The following ARHGAP35 variants were observed in gnomAD, a reference collection of about 807,000 sequenced individuals.
The protein encoded by ARHGAP35 is Rho GTPase activating protein 35.
ARHGAP35 carries 15 observed loss-of-function variants against 111.1 expected under a neutral mutation model. That is an observed-to-expected ratio of 0.13 (90% confidence interval 0.09 to 0.21). The LOEUF is 0.21. Among genes scored for constraint, ARHGAP35 ranks in the 10% least tolerant of loss-of-function variants. The probability of loss-of-function intolerance (pLI) is 1.00; values close to 1 mark genes in which losing one functional copy is unlikely to be tolerated. For missense variants in ARHGAP35, 1,262 were observed against 1,873.0 expected (o/e 0.67, Z 6.02); for synonymous variants, 643 against 710.3 (o/e 0.91, Z 1.51).
rs186915005 is a variant in ARHGAP35, at chr19:46,989,684, C to T, written c.4036+9C>T. 8 of 1,613,664 alleles carry T rather than the reference C, an allele frequency of 5.0e-6. No individual in the cohort carries two copies. Among genetic ancestry groups the T allele is most frequent in the East Asian group, 2.2e-5 (1 of 44,874 alleles). ...CTTGGTGGAAGCACACAGTGAGTAC[C>T]GGCAGCCCAGTGTTGGGCGGATTGA... On this transcript the variant is annotated intron_variant, in intron 5 of 6. Coordinates refer to ENST00000672722, the MANE Select transcript of ARHGAP35 (RefSeq NM_004491.5). This position sits in a 1 kb window ranked among gnomAD's most constrained non-coding sequence, Gnocchi z 5.3.
At chr19:46,862,266 T>G (rs769302330) in intron 1 of ARHGAP35, among the ~76,000 whole-genome samples, 4 of 152,162 alleles carry the variant, frequency 2.6e-5, no homozygotes, top group Non-Finnish European at 5.9e-5. Context: ...GATGTATCCC[T>G]AACTCAGACT....
intron 1 of ARHGAP35, among the ~76,000 whole-genome samples, chr19:46,875,261 G>A (rs1460614456): frequency 6.6e-6 from 1 of 152,128 alleles, no homozygotes; most frequent in Non-Finnish European, 1.5e-5. Context: ...CAGATCTTCA[G>A]TTCAAGGAGG....
At chr19:46,863,573 T>C (rs2055840380) in intron 1 of ARHGAP35, among the ~76,000 whole-genome samples, 1 of 152,100 alleles carries the variant, frequency 6.6e-6, no homozygotes, top group Non-Finnish European at 1.5e-5. Flanking sequence ...CCTCCTTCCT[T>C]CTCTGAGCCA....
intron 2 of ARHGAP35, among the ~76,000 whole-genome samples, chr19:46,923,920 C>CA (rs34789986): frequency 0.093 from 10,376 of 111,876 alleles, 445 homozygotes; most frequent in East Asian, 0.2. Flanking sequence ...GACTCTGTCT[C>CA]AAAAAAAAAA....
intron 1 of ARHGAP35, among the ~76,000 whole-genome samples, chr19:46,868,092 T>G (rs1329815186): frequency 6.6e-6 from 1 of 152,198 alleles, no homozygotes; most frequent in Non-Finnish European, 1.5e-5. Flanking sequence ...GGTCTCGAAC[T>G]CCTGACCTCA....
Position 46,989,836 on chromosome 19 carries a change from C to T in ARHGAP35, c.4036+161C>T, listed in dbSNP as rs970384532. On this transcript the variant is annotated intron_variant, in intron 5 of 6. Coordinates refer to ENST00000672722, the MANE Select transcript of ARHGAP35 (RefSeq NM_004491.5). The surrounding 1 kb of genome is among the most constrained non-coding windows in gnomAD (Gnocchi z 5.3). ...GATGACAGCAATGGGACTTGCAAATCGGGCTCCTGCCCTTGTAGACCTTAG... is the reference window on the plus strand; with the variant it reads ...GATGACAGCAATGGGACTTGCAAATTGGGCTCCTGCCCTTGTAGACCTTAG... Among the ~76,000 whole-genome samples, 33 of 152,296 alleles carry T rather than the reference C, an allele frequency of 2.2e-4. 1 individual carries two copies. Among genetic ancestry groups the T allele is most frequent in the Admixed American group, 2.1e-3 (32 of 15,296 alleles).
intron 1 of ARHGAP35, among the ~76,000 whole-genome samples, chr19:46,915,916 A>G (rs535466308): frequency 6.6e-6 from 1 of 150,796 alleles, no homozygotes; most frequent in East Asian, 1.9e-4. Context: ...GCCTTCAGGA[A>G]GGAATCCAAA....
At chr19:46,925,856 A>G (rs1006954483) in intron 2 of ARHGAP35, among the ~76,000 whole-genome samples, 2 of 152,214 alleles carry the variant, frequency 1.3e-5, no homozygotes, top group Non-Finnish European at 2.9e-5. Context: ...TGCATGCTGG[A>G]TAAGTGTCAG....
chr19:46,979,015 G>T lies in ARHGAP35; in HGVS notation c.3827-8974G>T, dbSNP rs1485791754. On this transcript the variant is annotated intron_variant, in intron 3 of 6. Transcript: ENST00000672722. The stretch of plus-strand genomic sequence containing the variant: ...TGTGTGGTGGGACGTGTGTGTGTGT[G>T]TGGTGGGGCAGGTGTGGGGGGGTGT... 1.1e-4 allele frequency among the ~76,000 whole-genome samples: 13 copies of T among 123,550 alleles called. No individual in the cohort carries two copies. The Admixed American group carries it at 1.1e-3, about 10-fold the overall frequency. 81.1% of individuals were successfully genotyped at this position (123,550 alleles called of 152,430 possible).
chr19:46,978,187 A>G (rs1322467166), intron 3 of ARHGAP35, among the ~76,000 whole-genome samples: 1 of 152,172 alleles, frequency 6.6e-6, no homozygotes, highest in East Asian at 1.9e-4. Flanking sequence ...CCTAGATTGC[A>G]GGGACTGGGA....
intron 1 of ARHGAP35, among the ~76,000 whole-genome samples, chr19:46,871,652 T>G (rs879857763): frequency 3.3e-5 from 5 of 151,790 alleles, no homozygotes; most frequent in Non-Finnish European, 7.4e-5. Context: ...CAGCAATGTT[T>G]TAAGAAACGT....
chr19:46,974,386 G>A (rs545595188), intron 3 of ARHGAP35, among the ~76,000 whole-genome samples: 4 of 152,248 alleles, frequency 2.6e-5, no homozygotes, highest in South Asian at 2.1e-4. Flanking sequence ...AAAGTCTGGC[G>A]TTACCATCCC....
At chr19:46,906,507 G>A (rs931249905) in intron 1 of ARHGAP35, among the ~76,000 whole-genome samples, 12 of 152,222 alleles carry the variant, frequency 7.9e-5, no homozygotes, top group African/African-American at 2.9e-4. Flanking sequence ...GGGGCCTAGT[G>A]TAGAAGGGGG....
chr19:46,912,814 T>G lies in ARHGAP35; in HGVS notation c.-188-5674T>G, dbSNP rs192600312. On this transcript the variant is annotated intron_variant, in intron 1 of 6. Coordinates refer to ENST00000672722, the MANE Select transcript of ARHGAP35 (RefSeq NM_004491.5). ...CCACCCCTCCCACCCCCCAACTGAG[T>G]CTTTTCAAGTGTCTACCAAATGCAA... Among the ~76,000 whole-genome samples the G allele has an allele frequency of 6.1e-3, 890 of 145,874 alleles. 8 individuals are homozygous for G. Among genetic ancestry groups the G allele is most frequent in the African/African-American group, 0.018 (711 of 39,076 alleles).
chr19:46,963,900 C>T (rs900606772), intron 3 of ARHGAP35, among the ~76,000 whole-genome samples: 1 of 152,104 alleles, frequency 6.6e-6, no homozygotes, highest in Non-Finnish European at 1.5e-5. Context: ...TGGAATCTTG[C>T]TCTGTCACCC....
intron 3 of ARHGAP35, among the ~76,000 whole-genome samples, chr19:46,975,098 C>A (rs936306520): frequency 3.9e-5 from 6 of 152,110 alleles, no homozygotes; most frequent in African/African-American, 1.4e-4. Flanking sequence ...TCTCGAACTC[C>A]TGACCTCGTG....
At chr19:46,966,373 A>G (rs972416862) in intron 3 of ARHGAP35, among the ~76,000 whole-genome samples, 5 of 152,002 alleles carry the variant, frequency 3.3e-5, no homozygotes, top group Non-Finnish European at 7.4e-5. Flanking sequence ...ACATATCGAG[A>G]CTCTGTCTCT....
intron 3 of ARHGAP35, among the ~76,000 whole-genome samples, chr19:46,943,887 G>A (rs977570907): frequency 1.3e-5 from 2 of 152,214 alleles, no homozygotes; most frequent in Admixed American, 6.5e-5. Flanking sequence ...CACGGCCAGC[G>A]GGAGTGGAGA....
Position 46,919,473 on chromosome 19 carries a change from G to A in ARHGAP35, c.798G>A (p.Gln266=). Residue 266 remains glutamine (Q), a synonymous_variant, in exon 2 of 7, where the codon CAG becomes CAA. Coordinates refer to ENST00000672722, the MANE Select transcript of ARHGAP35 (RefSeq NM_004491.5). The surrounding 1 kb of genome is among the most constrained non-coding windows in gnomAD (Gnocchi z 6.2). ...IIPYFEALKQ[Q]SQQIATAKDK... The stretch of plus-strand genomic sequence containing the variant: ...CTTATTTTGAAGCTCTCAAGCAGCA[G>A]AGTCAGCAGATAGCTACAGCAAAAG... 3 of 1,613,988 alleles carry A rather than the reference G, an allele frequency of 1.9e-6. No homozygotes were observed. The highest frequency in any genetic ancestry group is 2.5e-6 in the Non-Finnish European group (3 of 1,179,900).
Sources: gnomAD v4.1 joint callset for allele counts (sites outside exome capture counted in the v4.1 genomes callset) on GRCh38, gnomAD v4.1.1 for gene constraint, Gnocchi (gnomAD v3.1) non-coding constraint, MANE v1.5 for transcripts, NCBI Gene and HGNC (gene_info 2026-07-23, HGNC 2026-07-21) for gene names.